The following ZNF347 variants were observed in gnomAD, a reference collection of about 807,000 sequenced individuals.
ZNF347 encodes CTD-2620I22.7.
A neutral mutation model predicts 12.9 loss-of-function variants in ZNF347; 19 were observed. The ratio of observed to expected loss-of-function variants is 1.47; its 90% confidence interval spans 1.03 to 2.16. ZNF347 has a LOEUF of 2.16. ZNF347 is among the 30% of genes most tolerant of loss of function. The pLI, the probability that ZNF347 is intolerant of heterozygous loss-of-function variation, is 0.00. For synonymous variants in ZNF347, 328 were observed against 340.6 expected (o/e 0.96, Z 0.41); for missense variants, 1,005 against 990.6 (o/e 1.01, Z -0.19).
rs2090381414 is a variant in ZNF347 at position 53,135,335 on chromosome 19, T to TAGAGAGAGAG, written c.*4972_*4973insCTCTCTCTCT. 1 of 79,318 alleles carries TAGAGAGAGAG rather than the reference T, an allele frequency of 1.3e-5. No individual in the cohort carries two copies. Among genetic ancestry groups the TAGAGAGAGAG allele is most frequent in the African/African-American group, 5.9e-5 (1 of 16,948 alleles). The allele number at this position is 79,318 out of a possible 1,614,324, so 4.9% of individuals were successfully genotyped here. A position where few individuals can be genotyped will look rare whatever the true frequency, so the allele number is the denominator to read the frequency against. ...ATATATATATATATATATATATATA[T>TAGAGAGAGAG]ATATAGAGAGAGAGAGAGAGAGAGA... On this transcript the variant is annotated 3_prime_UTR_variant, in exon 5 of 5. Transcript: ENST00000334197.
In ZNF347 at chr19:53,142,494, C is replaced by T. The variant is rs2090436084; in HGVS notation, c.334G>A (p.Val112Ile). Residue 112 changes from valine (V) to isoleucine (I), a missense_variant, in exon 5 of 5, where the codon GTA becomes ATA. Physicochemically the swap from Val to Ile is conservative, Grantham distance 29. Coordinates refer to ENST00000334197, the MANE Select transcript of ZNF347 (RefSeq NM_032584.3). ...LHKGKSNTGE[V>I]FQTVMLERQE... is the part of the protein sequence containing the mutation. ...CTTTCCAACATCACTGTTTGGAATA[C>T]TTCTCCTGTATTACTCTTCCCTTTG... 3.1e-6 allele frequency: 5 copies of T among 1,613,496 alleles called. No individual in the cohort carries two copies. The highest frequency in any genetic ancestry group is 1.1e-5 in the South Asian group (1 of 91,016).
intron 2 of ZNF347, 162 bp from the exon 3 acceptor site, chr19:53,149,529 A>C: frequency 7.4e-7 from 1 of 1,343,350 alleles, no homozygotes; most frequent in Non-Finnish European, 9.8e-7. Flanking sequence ...CCTGACATAC[A>C]TCTCACTTGG....
chr19:53,146,337 C>G (rs901611894), intron 4 of ZNF347, among the ~76,000 whole-genome samples: 1 of 151,852 alleles, frequency 6.6e-6, no homozygotes, highest in Admixed American at 6.6e-5. Context: ...TGCAGTGGCC[C>G]AGTCATAACT....
Position 53,135,864 on chromosome 19 carries a change from G to C in ZNF347, c.*4444C>G, listed in dbSNP as rs1373588709. 1.3e-5 allele frequency: 2 copies of C among 152,038 alleles called. No individual in the cohort carries two copies. The highest frequency in any genetic ancestry group is 3.9e-4 in the East Asian group (2 of 5,190). 9.4% of individuals were successfully genotyped at this position (152,038 alleles called of 1,614,324 possible). A position where few individuals can be genotyped will look rare whatever the true frequency, so the allele number is the denominator to read the frequency against. ...ATCACTTATTAAAGAATATATATCAGTTTTTTAAAATGGAAACAAATCTAA... is the reference window on the plus strand; with the variant it reads ...ATCACTTATTAAAGAATATATATCACTTTTTTAAAATGGAAACAAATCTAA... On this transcript the variant is annotated 3_prime_UTR_variant, in exon 5 of 5. Coordinates refer to ENST00000334197, the MANE Select transcript of ZNF347 (RefSeq NM_032584.3).
chr19:53,141,349 G>A lies in ZNF347; in HGVS notation c.1479C>T (p.Ala493=). The change falls in exon 5 of 5, where the codon GCC becomes GCT. Residue 493 remains alanine, a synonymous_variant. Coordinates refer to ENST00000334197, the MANE Select transcript of ZNF347 (RefSeq NM_032584.3). Reference sequence around the variant, plus strand: ...TAGTTAGGTTTGAATGTGCTCTAAAGGCTTTGCCACACTCATTACACTTAT... The same window carrying A: ...TAGTTAGGTTTGAATGTGCTCTAAAAGCTTTGCCACACTCATTACACTTAT... The part of the protein sequence containing the change: ...KPYKCNECGK[A]FRAHSNLTTH... 6.2e-7 allele frequency: 1 copy of A among 1,613,868 alleles called. No homozygotes were observed. The highest frequency in any genetic ancestry group is 1.1e-5 in the South Asian group (1 of 91,072).
At position 53,141,430 on chromosome 19, in the gene ZNF347, A is replaced by T. The variant is rs1460769191; in HGVS notation, c.1398T>A (p.Phe466Leu). 6.2e-7 allele frequency: 1 copy of T among 1,613,498 alleles called. No individual in the cohort carries two copies. The highest frequency in any genetic ancestry group is 8.5e-7 in the Non-Finnish European group (1 of 1,179,882). Residue 466 changes from phenylalanine (F) to leucine (L), a missense_variant, in exon 5 of 5, where the codon TTT (phenylalanine) becomes TTA (leucine). Phe to Leu is a conservative substitution (Grantham distance 22, BLOSUM62 0). Transcript: ENST00000334197. ...GCCTTGCAAGGTGTGAATTACGCCT[A>T]AAGACCTTGCCGCATTCATGACATT... The part of the protein sequence containing the change: ...PYKCHECGKV[F>L]RRNSHLARHQ...
intron 4 of ZNF347, 59 bp from the exon 5 acceptor site, chr19:53,142,615 T>C: frequency 1.5e-6 from 2 of 1,314,442 alleles, no homozygotes; most frequent in Non-Finnish European, 2.0e-6. Flanking sequence ...ACAAGTATTT[T>C]ACACCGAAAA....
chr19:53,144,723 A>G (rs2090451788), intron 4 of ZNF347, among the ~76,000 whole-genome samples: 1 of 152,084 alleles, frequency 6.6e-6, no homozygotes, highest in Non-Finnish European at 1.5e-5. Context: ...GCAGCCTTGA[A>G]CTTCTGGCCT....
rs564455918 is a variant in ZNF347, at chr19:53,153,798, G to A, written c.-46-5C>T. On this transcript the variant is annotated splice_region_variant and splice_polypyrimidine_tract_variant and intron_variant, in intron 1 of 4. Coordinates refer to ENST00000334197, the MANE Select transcript of ZNF347 (RefSeq NM_032584.3). ...CCTCTTCTTCAAGGGTTCTTCCTTA[G>A]GTAACAGGAAAGTGCCTTTAGAAGT... 8.7e-6 allele frequency: 14 copies of A among 1,613,238 alleles called. No individual in the cohort carries two copies. The Admixed American group carries it at 2.2e-4, about 25-fold the overall frequency.
intron 1 of ZNF347, among the ~76,000 whole-genome samples, chr19:53,156,434 G>C (rs1406026487): frequency 1.3e-5 from 2 of 151,912 alleles, no homozygotes; most frequent in Non-Finnish European, 2.9e-5. Flanking sequence ...GCATGACGAG[G>C]TGCTACAGGT....
Position 53,139,022 on chromosome 19 carries a change from C to T in ZNF347, c.*1286G>A, listed in dbSNP as rs1423433134. ...AAAAATAAGCCTATTTTTCATCAAT[C>T]TCTGCTATAAAACAGCTATTGCCAT... On this transcript the variant is annotated 3_prime_UTR_variant, in exon 5 of 5. Transcript: ENST00000334197. 6.6e-6 allele frequency: 1 copy of T among 152,162 alleles called. No homozygotes were observed. Among genetic ancestry groups the T allele is most frequent in the Non-Finnish European group, 1.5e-5 (1 of 68,014 alleles). 9.4% of individuals were successfully genotyped at this position (152,162 alleles called of 1,614,324 possible). A position where few individuals can be genotyped will look rare whatever the true frequency, so the allele number is the denominator to read the frequency against.
Position 53,140,769 on chromosome 19 carries a change from C to T in ZNF347, c.2059G>A (p.Gly687Ser). ...TTTGATGTTTGACTAAAGGCTTTGC[C>T]ACATTCATTACACTGGTAAGGTTTA... ...GGKPYQCNEC[G>S]KAFSQTSKLA... Residue 687 changes from glycine (G) to serine (S), a missense_variant, in exon 5 of 5, where the codon GGC becomes AGC. Gly to Ser is a moderately conservative substitution (Grantham distance 56, BLOSUM62 0). Coordinates refer to ENST00000334197, the MANE Select transcript of ZNF347 (RefSeq NM_032584.3). 1 of 1,612,486 alleles carries T rather than the reference C, an allele frequency of 6.2e-7. No individual in the cohort carries two copies. The highest frequency in any genetic ancestry group is 8.5e-7 in the Non-Finnish European group (1 of 1,179,148).
chr19:53,152,739 G>A (rs766833328), intron 2 of ZNF347, among the ~76,000 whole-genome samples: 2 of 151,810 alleles, frequency 1.3e-5, no homozygotes, highest in Non-Finnish European at 2.9e-5. Flanking sequence ...GACCATCCTG[G>A]CTAACACAGT....
intron 4 of ZNF347, among the ~76,000 whole-genome samples, chr19:53,146,621 T>C (rs1411230610): frequency 6.6e-6 from 1 of 152,068 alleles, no homozygotes; most frequent in Non-Finnish European, 1.5e-5. Context: ...AACAAACTTT[T>C]AGCTAAACTG....
rs2090382919 is a variant in ZNF347, at chr19:53,135,371, G to GGA, written c.*4936_*4937insTC. 1 of 63,764 alleles carries GGA rather than the reference G, an allele frequency of 1.6e-5. No individual in the cohort carries two copies. Among genetic ancestry groups the GGA allele is most frequent in the Non-Finnish European group, 4.3e-5 (1 of 23,386 alleles). 3.9% of individuals were successfully genotyped at this position (63,764 alleles called of 1,614,324 possible). On this transcript the variant is annotated 3_prime_UTR_variant, in exon 5 of 5. Coordinates refer to ENST00000334197, the MANE Select transcript of ZNF347 (RefSeq NM_032584.3). ...AGAGAGAGAGAGAGAGAGAGAGAAAGAGAGAGAGAGAGAGAGAGAGAGATG... is the reference window on the plus strand; with the variant it reads ...AGAGAGAGAGAGAGAGAGAGAGAAAGGAAGAGAGAGAGAGAGAGAGAGAGATG...
At chr19:53,147,816 T>C (rs925057266) in intron 4 of ZNF347, among the ~76,000 whole-genome samples, 3 of 152,138 alleles carry the variant, frequency 2.0e-5, no homozygotes, top group East Asian at 1.9e-4. Flanking sequence ...ACATTCACCA[T>C]GATCAAGTGG....
In ZNF347 at chr19:53,135,333, T is replaced by TAGAG. The variant is rs2090381234; in HGVS notation, c.*4974_*4975insCTCT. The stretch of plus-strand genomic sequence containing the variant: ...ATATATATATATATATATATATATA[T>TAGAG]ATATATAGAGAGAGAGAGAGAGAGA... On this transcript the variant is annotated 3_prime_UTR_variant, in exon 5 of 5. Coordinates refer to ENST00000334197, the MANE Select transcript of ZNF347 (RefSeq NM_032584.3). The TAGAG allele has an allele frequency of 5.8e-5, 4 of 68,470 alleles. No individual in the cohort carries two copies. Among genetic ancestry groups the TAGAG allele is most frequent in the East Asian group, 3.9e-4 (1 of 2,552 alleles). 4.2% of individuals were successfully genotyped at this position (68,470 alleles called of 1,614,324 possible). A position where few individuals can be genotyped will look rare whatever the true frequency, so the allele number is the denominator to read the frequency against.
At chr19:53,155,527 G>A (rs745970305) in intron 1 of ZNF347, among the ~76,000 whole-genome samples, 42 of 151,758 alleles carry the variant, frequency 2.8e-4, no homozygotes, top group Non-Finnish European at 5.0e-4. Context: ...TAGAGACGGA[G>A]TCTTGCTATG....
chr19:53,149,219 T>C, intron 3 of ZNF347, 22 bp downstream of exon 3: 3 of 1,610,334 alleles, frequency 1.9e-6, no homozygotes, highest in Middle Eastern at 3.3e-4. Flanking sequence ...GATCCTGACT[T>C]CTGGAAGAAA....
Sources: allele counts gnomAD v4.1 joint callset (sites outside exome capture counted in the v4.1 genomes callset), GRCh38; gene constraint gnomAD v4.1.1; transcripts MANE v1.5; gene names NCBI Gene and HGNC (gene_info 2026-07-23, HGNC 2026-07-21).